The following MTFMT variants were observed in gnomAD, a reference collection of about 807,000 sequenced individuals.
The protein encoded by MTFMT is methionyl-tRNA formyltransferase, mitochondrial.
A neutral mutation model predicts 51.8 loss-of-function variants in MTFMT; 47 were observed. The ratio of observed to expected loss-of-function variants is 0.91; its 90% CI spans 0.72 to 1.16. The LOEUF (loss-of-function observed/expected upper bound fraction) is 1.16. Among genes scored for constraint, MTFMT ranks in the 50% most tolerant of loss-of-function variants. The pLI is 0.00. For missense variants in MTFMT, 512 were observed against 482.3 expected (o/e 1.06, Z -0.58); for synonymous variants, 196 against 176.7 (o/e 1.11, Z -0.87).
At chr15:65,018,250 T>C (rs1214634901) in intron 5 of MTFMT, among the ~76,000 whole-genome samples, 1 of 151,880 alleles carries the variant, frequency 6.6e-6, no homozygotes, top group African/African-American at 2.4e-5. Context: ...CCAGGAAGTT[T>C]TGAAGGCAGT....
chr15:65,009,778 C>T (rs772201963), intron 6 of MTFMT, among the ~76,000 whole-genome samples: 2 of 152,030 alleles, frequency 1.3e-5, no homozygotes, highest in Non-Finnish European at 1.5e-5. Context: ...CTCAGCCTCC[C>T]GAGTAGCTGG....
chr15:65,026,343 A>G (rs1389537020), intron 2 of MTFMT: 5 of 206,556 alleles, frequency 2.4e-5, no homozygotes, highest in Non-Finnish European at 4.2e-5. Flanking sequence ...ACAGCTTACA[A>G]AAGTTTTGTA....
chr15:65,009,024 T>C (rs748528278), intron 6 of MTFMT, among the ~76,000 whole-genome samples: 1 of 152,174 alleles, frequency 6.6e-6, no homozygotes, highest in Non-Finnish European at 1.5e-5. Context: ...CAAAATAGTA[T>C]GTTTGCATGA....
chr15:65,018,559 C>A (rs2086343804), intron 5 of MTFMT, among the ~76,000 whole-genome samples: 1 of 152,030 alleles, frequency 6.6e-6, no homozygotes, highest in African/African-American at 2.4e-5. Context: ...ATTGTTGTAC[C>A]AGATGATCTC....
intron 6 of MTFMT, among the ~76,000 whole-genome samples, chr15:65,009,984 T>A (rs1442209385): frequency 6.6e-6 from 1 of 152,094 alleles, no homozygotes; most frequent in Non-Finnish European, 1.5e-5. Flanking sequence ...CTCCACTCTC[T>A]AGCAGCAGCC....
At chr15:65,006,588 C>T (rs879663508) in intron 6 of MTFMT, among the ~76,000 whole-genome samples, 4 of 151,934 alleles carry the variant, frequency 2.6e-5, no homozygotes, top group Admixed American at 1.3e-4. Flanking sequence ...ATGTTAGCCA[C>T]GATGGTCTCT....
chr15:65,025,693 A>G (rs2086417014), intron 2 of MTFMT, among the ~76,000 whole-genome samples: 1 of 152,174 alleles, frequency 6.6e-6, no homozygotes, highest in African/African-American at 2.4e-5. Context: ...TTATTGAGAT[A>G]AAGATTTTAG....
At chr15:65,026,558 GA>G in intron 2 of MTFMT, 1 of 342,330 alleles carries the variant, frequency 2.9e-6, no homozygotes, top group Non-Finnish European at 5.4e-6. Flanking sequence ...CCTGTCTTTA[GA>G]AAGATGTTAT....
intron 6 of MTFMT, among the ~76,000 whole-genome samples, chr15:65,015,245 A>G (rs1187715243): frequency 6.6e-6 from 1 of 152,108 alleles, no homozygotes; most frequent in East Asian, 1.9e-4. Flanking sequence ...GTCTGGCCCT[A>G]TGGTCCTTGT....
rs2086248394 is a variant in MTFMT, at chr15:65,009,774, C to T, written c.814-3583G>A. ...GGTCAAGTGATCCTCCTACCTCAGC[C>T]TCCCGAGTAGCTGGGACTACAGGTG... On this transcript the variant is annotated intron_variant, in intron 6 of 8. Transcript: ENST00000220058. Among the ~76,000 whole-genome samples the T allele has an allele frequency of 2.6e-5, 4 of 152,186 alleles. No homozygotes were observed. In the South Asian group the frequency reaches 8.3e-4, roughly 32 times the overall value.
intron 4 of MTFMT, among the ~76,000 whole-genome samples, chr15:65,020,504 T>C (rs560086391): frequency 1.6e-4 from 24 of 152,352 alleles, no homozygotes; most frequent in African/African-American, 4.3e-4. Context: ...GATAGGTGTC[T>C]ACTTGGGGAA....
At chr15:65,006,083 C>G in intron 7 of MTFMT, 30 bp downstream of exon 7, 1 of 1,525,140 alleles carries the variant, frequency 6.6e-7, no homozygotes, top group African/African-American at 1.4e-5. Flanking sequence ...GTGAAAACAG[C>G]TTCCATGTTA....
At chr15:65,011,643 TGCACC>T (rs1207667208) in intron 6 of MTFMT, among the ~76,000 whole-genome samples, 3 of 151,862 alleles carry the variant, frequency 2.0e-5, no homozygotes, top group African/African-American at 7.3e-5. Flanking sequence ...ACCACAGGTG[TGCACC>T]ATGATGCCCA....
Position 65,020,193 on chromosome 15 carries a change from T to TG in MTFMT, c.721+3_721+4insC. 6.2e-7 allele frequency: 1 copy of TG among 1,610,918 alleles called. No homozygotes were observed. Among genetic ancestry groups the TG allele is most frequent in the South Asian group, 1.1e-5 (1 of 90,550 alleles). On this transcript the variant is annotated splice_donor_region_variant and intron_variant, in intron 5 of 8. Transcript: ENST00000220058. ...AGATGAGAGTCTCTGCAGCCTTCACTCACCGTAAGTCGCCCCCTCCATTGG... is the reference window on the plus strand; with the variant it reads ...AGATGAGAGTCTCTGCAGCCTTCACTGCACCGTAAGTCGCCCCCTCCATTGG...
intron 8 of MTFMT, among the ~76,000 whole-genome samples, chr15:65,004,157 C>T (rs1034288217): frequency 6.6e-6 from 1 of 151,946 alleles, no homozygotes; most frequent in Non-Finnish European, 1.5e-5. Flanking sequence ...GCTGGGATTA[C>T]AGGCGTCTGC....
chr15:65,022,004 AATTATATC>A (rs1447328228), intron 3 of MTFMT, among the ~76,000 whole-genome samples: 1 of 152,226 alleles, frequency 6.6e-6, no homozygotes, highest in Non-Finnish European at 1.5e-5. Context: ...ATTACAGAAA[AATTATATC>A]ATTAGTAATA....
intron 7 of MTFMT, 124 bp from the exon 8 acceptor site, chr15:65,005,060 T>C: frequency 1.5e-6 from 1 of 659,406 alleles, no homozygotes; most frequent in East Asian, 2.8e-5. Context: ...ACACATTTGC[T>C]GATGTTGACT....
chr15:65,001,927 T>C lies in MTFMT; in HGVS notation c.*1135A>G, dbSNP rs2086179488. The C allele has an allele frequency of 6.6e-6, 1 of 152,114 alleles. No homozygotes were observed. The highest frequency in any genetic ancestry group is 6.6e-5 in the Admixed American group (1 of 15,266). 9.4% of individuals were successfully genotyped at this position (152,114 alleles called of 1,614,324 possible). On this transcript the variant is annotated 3_prime_UTR_variant, in exon 9 of 9. Coordinates refer to ENST00000220058, the MANE Select transcript of MTFMT (RefSeq NM_139242.4). ...AATGTTAATTTATAGTACAGATCAA[T>C]GTGGCAGAGATTATTAAATATTACC...
At chr15:65,012,335 C>T (rs1310312975) in intron 6 of MTFMT, among the ~76,000 whole-genome samples, 1 of 151,476 alleles carries the variant, frequency 6.6e-6, no homozygotes, top group East Asian at 1.9e-4. Flanking sequence ...AAAGAACTAT[C>T]TTTTGGGAAC....
Sources: allele counts gnomAD v4.1 joint callset (sites outside exome capture counted in the v4.1 genomes callset), GRCh38; gene constraint gnomAD v4.1.1; transcripts MANE v1.5; gene names NCBI Gene and HGNC (gene_info 2026-07-23, HGNC 2026-07-21).